The following FAN1 variants were observed in gnomAD, a reference collection of about 807,000 sequenced individuals.
The protein encoded by FAN1 is fanconi-associated nuclease 1.
Under a neutral mutation model 104.9 loss-of-function variants are expected in FAN1, and 91 were observed. That is an observed-to-expected ratio of 0.87 (90% CI 0.73 to 1.03). The LOEUF is 1.03. FAN1 is among the 50% of genes least tolerant of loss of function. FAN1 has a pLI of 0.00. For synonymous variants in FAN1, 478 were observed against 457.6 expected, an observed-to-expected ratio of 1.04 and a Z score of -0.57; for missense variants, 1,263 against 1,239.9, an observed-to-expected ratio of 1.02 and a Z score of -0.28.
At chr15:30,928,183 C>T in intron 10 of FAN1, 1 of 1,012,886 alleles carries the variant, frequency 9.9e-7, no homozygotes, top group Non-Finnish European at 1.2e-6. Flanking sequence ...GGATTCTGTG[C>T]CAGCCCAGCC....
intron 9 of FAN1, 148 bp from the exon 10 acceptor site, chr15:30,925,641 A>G (rs1490863349): frequency 4.4e-6 from 4 of 908,250 alleles, no homozygotes; most frequent in Non-Finnish European, 6.8e-6. Flanking sequence ...ACATCCCCGC[A>G]GTTCTGCGTG....
intron 10 of FAN1, chr15:30,927,851 C>T: frequency 1.0e-6 from 1 of 985,568 alleles, no homozygotes; most frequent in Non-Finnish European, 1.2e-6. Flanking sequence ...CCCCTCATCC[C>T]ACACCAGACC....
At chr15:30,940,136 A>ACAGT (rs1334692452) in intron 14 of FAN1, 2 of 985,464 alleles carry the variant, frequency 2.0e-6, no homozygotes, top group Admixed American at 6.1e-5. Context: ...AGTTTAAGAA[A>ACAGT]CAGTCAAATT....
At chr15:30,939,015 C>T (rs1595895433) in intron 14 of FAN1, 1 of 985,106 alleles carries the variant, frequency 1.0e-6, no homozygotes, top group East Asian at 1.1e-4. Context: ...CAAGATAACA[C>T]ATCTTCTTGC....
At chr15:30,937,447 C>CTT (rs11317050) in intron 14 of FAN1, among the ~76,000 whole-genome samples, 188 bp downstream of exon 14, 16 of 78,958 alleles carry the variant, frequency 2.0e-4, no homozygotes, top group East Asian at 3.3e-4. Context: ...GGGTAATAAA[C>CTT]TTTTTTTTTT....
intron 13 of FAN1, among the ~76,000 whole-genome samples, chr15:30,935,265 A>C (rs963478476): frequency 3.9e-5 from 6 of 152,110 alleles, no homozygotes; most frequent in African/African-American, 1.4e-4. Flanking sequence ...CTGAGATCAT[A>C]CCACTGTATA....
In FAN1 at chr15:30,925,241, AAGCACCTCTTCCAGC is replaced by A. The variant is rs778256592; in HGVS notation, c.2291_2305del (p.His764_Gln768del). ...AGAGTCTCCGAGCTGTAAAAAGTTC[AAGCACCTCTTCCAGC>A]AGCTCCCAGAAATGGCTGTGCAAGA... On this transcript the variant is annotated inframe_deletion, in exon 9 of 15. Transcript: ENST00000362065. The A allele has an allele frequency of 6.2e-7, 1 of 1,614,086 alleles. No individual in the cohort carries two copies. The highest frequency in any genetic ancestry group is 8.5e-7 in the Non-Finnish European group (1 of 1,180,026).
rs747591383 is a variant in FAN1 at position 30,941,791 on chromosome 15, G to A, written c.*229G>A. 3 of 1,614,030 alleles carry A rather than the reference G, an allele frequency of 1.9e-6. No individual in the cohort carries two copies. The highest frequency in any genetic ancestry group is 1.1e-5 in the South Asian group (1 of 91,080). On this transcript the variant is annotated 3_prime_UTR_variant, in exon 15 of 15. Coordinates refer to ENST00000362065, the MANE Select transcript of FAN1 (RefSeq NM_014967.5). Reference sequence around the variant, plus strand: ...GAAAGGCTGTGATGGAGCCACCCAGGCTGATCTGGGCCTCGGGAACCCAGC... The same window carrying A: ...GAAAGGCTGTGATGGAGCCACCCAGACTGATCTGGGCCTCGGGAACCCAGC...
intron 2 of FAN1, chr15:30,906,520 C>T (rs1210183929): frequency 2.2e-6 from 1 of 456,578 alleles, no homozygotes; most frequent in East Asian, 6.9e-5. Flanking sequence ...TAGTAAAAGC[C>T]ACCCTTGTGT....
rs533154364 is a variant in FAN1, at chr15:30,939,551, TTTGA to T, written c.*4-2012_*4-2009del. ...CCAGCAAAAATAAAAGTATTTTACA[TTTGA>T]TTATCATACAAAAATATGCATTTTT... On this transcript the variant is annotated intron_variant, in intron 14 of 14. Transcript: ENST00000362065. 2.5e-3 allele frequency: 2,456 copies of T among 968,932 alleles called. 11 individuals carry two copies. Among genetic ancestry groups the T allele is most frequent in the Non-Finnish European group, 2.5e-3 (2,027 of 815,004 alleles). 60.0% of individuals were successfully genotyped at this position (968,932 alleles called of 1,614,324 possible).
At chr15:30,929,854 TCA>T (rs1390515663) in intron 12 of FAN1, among the ~76,000 whole-genome samples, 6 of 61,112 alleles carry the variant, frequency 9.8e-5, no homozygotes, top group Non-Finnish European at 1.4e-4. Flanking sequence ...AAAATATATA[TCA>T]TATATAATAT....
intron 7 of FAN1, 72 bp downstream of exon 7, chr15:30,920,725 G>C: frequency 3.5e-6 from 3 of 848,124 alleles, no homozygotes; most frequent in Non-Finnish European, 5.7e-6. Flanking sequence ...GACAGCTGTC[G>C]GGCTCTCAGC....
In FAN1 at chr15:30,939,325, C is replaced by T. The variant is rs181070366; in HGVS notation, c.*3+2066C>T. ...GCATCTGTGCGGCATTCCCTCAGCA[C>T]GGGCTCTGCTGGCGGGCAGCAGGGG... On this transcript the variant is annotated intron_variant, in intron 14 of 14. Transcript: ENST00000362065. 8 of 985,488 alleles carry T rather than the reference C, an allele frequency of 8.1e-6. No homozygotes were observed. The South Asian group carries it at 2.3e-4, about 29-fold the overall frequency. The allele number at this position is 985,488 out of a possible 1,614,324, so 61.0% of individuals were successfully genotyped here.
intron 10 of FAN1, among the ~76,000 whole-genome samples, chr15:30,926,348 C>T (rs928081968): frequency 2.6e-5 from 4 of 152,296 alleles, no homozygotes; most frequent in Non-Finnish European, 4.4e-5. Flanking sequence ...CCATGCTAGT[C>T]GCTTTCGGGA....
intron 14 of FAN1, chr15:30,939,367 G>A (rs1354516597): frequency 1.0e-6 from 1 of 985,312 alleles, no homozygotes. Flanking sequence ...GCTCTCTCTA[G>A]TGCGCCCTGT....
At chr15:30,940,599 T>C (rs896924729) in intron 14 of FAN1, 5 of 985,318 alleles carry the variant, frequency 5.1e-6, no homozygotes, top group African/African-American at 3.5e-5. Flanking sequence ...GGGCGAGTTT[T>C]GGCATAGATG....
chr15:30,904,581 GAAAGTA>G lies in FAN1; in HGVS notation c.-74_-69del, dbSNP rs760735589. ...CCCACTTTTGGTGATTTCAAGTCAA[GAAAGTA>G]AAAGTAAACCATTGCTATCTTTCAC... is the stretch of plus-strand genomic sequence containing the variant. On this transcript the variant is annotated 5_prime_UTR_variant, in exon 2 of 15. Transcript: ENST00000362065. 1.1e-4 allele frequency: 152 copies of G among 1,390,938 alleles called. No individual in the cohort carries two copies. Among genetic ancestry groups the G allele is most frequent in the Non-Finnish European group, 1.5e-4 (150 of 985,522 alleles). The allele number at this position is 1,390,938 out of a possible 1,614,324, so 86.2% of individuals were successfully genotyped here. A position where few individuals can be genotyped will look rare whatever the true frequency, so the allele number is the denominator to read the frequency against.
At position 30,930,718 on chromosome 15, in the gene FAN1, A is replaced by G. The variant is rs746523451; in HGVS notation, c.2916+47A>G. ...AGTCCTGTTGGTAACCTTATTAGCA[A>G]CTGAATCAGAGGCCACAAGTAGGCA... On this transcript the variant is annotated intron_variant, in intron 13 of 14. Coordinates refer to ENST00000362065, the MANE Select transcript of FAN1 (RefSeq NM_014967.5). 3.1e-6 allele frequency: 5 copies of G among 1,603,814 alleles called. No homozygotes were observed. The South Asian group carries it at 3.3e-5, about 11-fold the overall frequency.
At chr15:30,929,584 T>A in intron 12 of FAN1, among the ~76,000 whole-genome samples, 187 bp downstream of exon 12, 1 of 133,304 alleles carries the variant, frequency 7.5e-6, no homozygotes, top group Admixed American at 8.6e-5. Flanking sequence ...ATTTATTATA[T>A]TATATATTAT....
Sources: allele counts gnomAD v4.1 joint callset (sites outside exome capture counted in the v4.1 genomes callset), GRCh38; gene constraint gnomAD v4.1.1; transcripts MANE v1.5; gene names NCBI Gene and HGNC (gene_info 2026-07-23, HGNC 2026-07-21).